Variants in MPDZ observed in about 807,000 individuals in gnomAD.
MPDZ encodes multiple PDZ domain protein.
A neutral mutation model predicts 239.1 loss-of-function variants in MPDZ; 234 were observed. The observed-to-expected ratio is 0.98, with a 90% CI of 0.88 to 1.09. MPDZ has a LOEUF of 1.09. Among genes scored for constraint, MPDZ ranks in the 50% least tolerant of loss-of-function variants. MPDZ has a pLI of 0.00. For synonymous variants in MPDZ, 1,048 were observed against 881.3 expected (o/e 1.19, Z -3.35); for missense variants, 3,175 against 2,510.0 (o/e 1.26, Z -5.66).
At chr9:13,187,863 A>T (rs1954347905) in intron 17 of MPDZ, among the ~76,000 whole-genome samples, 1 of 152,206 alleles carries the variant, frequency 6.6e-6, no homozygotes, top group Admixed American at 6.5e-5. Flanking sequence ...TGCAATCACT[A>T]CATTTAATAT....
At chr9:13,245,528 A>G (rs1034681902) in intron 3 of MPDZ, among the ~76,000 whole-genome samples, 13 of 152,190 alleles carry the variant, frequency 8.5e-5, no homozygotes, top group African/African-American at 2.9e-4. Flanking sequence ...TGTAATCTAC[A>G]GGGTATAAAC....
At chr9:13,158,705 G>A (rs976499834) in intron 23 of MPDZ, among the ~76,000 whole-genome samples, 44 of 152,288 alleles carry the variant, frequency 2.9e-4, no homozygotes, top group African/African-American at 8.9e-4. Flanking sequence ...TTTACAACGC[G>A]TCTGTGTTCA....
chr9:13,251,698 T>C (rs997298123), intron 1 of MPDZ, among the ~76,000 whole-genome samples: 1 of 152,222 alleles, frequency 6.6e-6, no homozygotes, highest in African/African-American at 2.4e-5. Flanking sequence ...GTATGTGATG[T>C]AGATGAGCAG....
At chr9:13,263,006 G>A (rs1045027542) in intron 1 of MPDZ, among the ~76,000 whole-genome samples, 1 of 152,056 alleles carries the variant, frequency 6.6e-6, no homozygotes, top group Non-Finnish European at 1.5e-5. Context: ...GACTCAATGG[G>A]GGAATTTAGC....
intron 22 of MPDZ, among the ~76,000 whole-genome samples, chr9:13,165,725 C>T (rs1027028078): frequency 2.0e-5 from 3 of 152,118 alleles, no homozygotes; most frequent in Non-Finnish European, 4.4e-5. Context: ...AATTATCTGG[C>T]AGATGTTATA....
chr9:13,167,212 T>C (rs961632559), intron 22 of MPDZ, among the ~76,000 whole-genome samples: 3 of 152,100 alleles, frequency 2.0e-5, no homozygotes, highest in Admixed American at 6.6e-5. Context: ...TCTTTTCTTA[T>C]GATAAAAGGA....
At chr9:13,165,232 A>G in intron 22 of MPDZ, 2 of 852,558 alleles carry the variant, frequency 2.3e-6, no homozygotes, top group Non-Finnish European at 1.7e-6. Flanking sequence ...AAACAAAGAA[A>G]ACAATCTAAA....
At chr9:13,237,638 A>G (rs555315900) in intron 3 of MPDZ, among the ~76,000 whole-genome samples, 203 of 152,182 alleles carry the variant, frequency 1.3e-3, no homozygotes, top group Non-Finnish European at 2.2e-3. Context: ...GAGTATAGAA[A>G]AGACATTTTC....
chr9:13,253,938 G>A (rs1262543627), intron 1 of MPDZ, among the ~76,000 whole-genome samples: 2 of 152,286 alleles, frequency 1.3e-5, no homozygotes, highest in East Asian at 1.9e-4. Context: ...AGGAAAATGA[G>A]GTACAGACAG....
At chr9:13,172,393 T>TG (rs1163922724) in intron 21 of MPDZ, among the ~76,000 whole-genome samples, 1 of 151,542 alleles carries the variant, frequency 6.6e-6, no homozygotes, top group African/African-American at 2.4e-5. Context: ...TTTTGTTTTT[T>TG]TTTTTTGAGA....
intron 10 of MPDZ, among the ~76,000 whole-genome samples, chr9:13,211,292 G>C (rs1017872749): frequency 6.6e-6 from 1 of 151,804 alleles, no homozygotes; most frequent in Admixed American, 6.6e-5. Flanking sequence ...AAATTAAAAG[G>C]GGCAGTTGAT....
chr9:13,111,283 G>C (rs1207275679), intron 43 of MPDZ, among the ~76,000 whole-genome samples: 1 of 152,194 alleles, frequency 6.6e-6, no homozygotes, highest in Admixed American at 6.5e-5. Flanking sequence ...TTCAGTATCT[G>C]TCCTTCCAGA....
intron 1 of MPDZ, among the ~76,000 whole-genome samples, chr9:13,257,031 C>T (rs1052055693): frequency 3.9e-5 from 6 of 152,138 alleles, no homozygotes; most frequent in African/African-American, 9.7e-5. Context: ...TGTTCCAAGG[C>T]GTGGGACAAC....
At chr9:13,171,184 C>A (rs964328638) in intron 21 of MPDZ, among the ~76,000 whole-genome samples, 4 of 152,108 alleles carry the variant, frequency 2.6e-5, no homozygotes, top group African/African-American at 9.7e-5. Context: ...AAATACCTGA[C>A]ACAAAGTGTA....
At chr9:13,122,523 CT>C (rs1193402258) in intron 36 of MPDZ, among the ~76,000 whole-genome samples, 325 of 141,020 alleles carry the variant, frequency 2.3e-3, no homozygotes, top group South Asian at 6.9e-3. Flanking sequence ...TTTTCAAACT[CT>C]TTTTTTTTTT....
intron 17 of MPDZ, 128 bp downstream of exon 17, chr9:13,188,656 T>C (rs968181053): frequency 1.2e-5 from 8 of 656,920 alleles, no homozygotes; most frequent in Middle Eastern, 3.9e-4. Context: ...CGAATGGAGC[T>C]AGTAATCACG....
intron 38 of MPDZ, 148 bp from the exon 39 acceptor site, chr9:13,119,797 T>A (rs1944056448): frequency 6.4e-6 from 5 of 779,294 alleles, no homozygotes; most frequent in Admixed American, 4.9e-5. Flanking sequence ...GGGGCAACAT[T>A]AGAATTATAT....
intron 35 of MPDZ, 118 bp from the exon 36 acceptor site, chr9:13,123,416 G>A: frequency 5.7e-6 from 4 of 705,530 alleles, no homozygotes; most frequent in African/African-American, 1.8e-5. Flanking sequence ...CATGACTGTG[G>A]GAAAAGAGAC....
At chr9:13,215,803 T>C (rs1019335503) in intron 10 of MPDZ, among the ~76,000 whole-genome samples, 4 of 146,080 alleles carry the variant, frequency 2.7e-5, no homozygotes, top group African/African-American at 1.0e-4. Context: ...GATCTCATTC[T>C]GCTGCCCAGG....
Sources: gnomAD v4.1 joint callset for allele counts (sites outside exome capture counted in the v4.1 genomes callset) on GRCh38, gnomAD v4.1.1 for gene constraint, MANE v1.5 for transcripts, NCBI Gene and HGNC (gene_info 2026-07-23, HGNC 2026-07-21) for gene names.